The following CEP128 variants were observed in gnomAD, a reference collection of about 807,000 sequenced individuals.
CEP128 encodes centrosomal protein 128, also known as centrosomal protein 128kDa.
In CEP128, 132 loss-of-function variants were observed where a neutral mutation model predicts 156.7. The ratio of observed to expected loss-of-function variants is 0.84; its 90% CI spans 0.73 to 0.97. The LOEUF is 0.97. CEP128 is among the 50% of genes least tolerant of loss of function. The pLI, the probability that CEP128 is intolerant of heterozygous loss-of-function variation, is 0.00. For synonymous variants in CEP128, 469 were observed against 448.9 expected (o/e 1.04, Z -0.57); for missense variants, 1,252 against 1,281.9 (o/e 0.98, Z 0.36).
intron 19 of CEP128, among the ~76,000 whole-genome samples, chr14:80,656,329 A>C (rs61076261): frequency 3.9e-5 from 1 of 25,804 alleles, no homozygotes; most frequent in South Asian, 1.2e-3. Context: ...ATATATATAT[A>C]TATATATATA....
intron 19 of CEP128, among the ~76,000 whole-genome samples, chr14:80,689,853 T>C (rs1317216751): frequency 6.6e-6 from 1 of 152,120 alleles, no homozygotes; most frequent in Non-Finnish European, 1.5e-5. Flanking sequence ...TATATAATTA[T>C]ACAGTTAATA....
intron 13 of CEP128, among the ~76,000 whole-genome samples, chr14:80,823,090 A>G (rs1304738624): frequency 6.6e-6 from 1 of 152,180 alleles, no homozygotes; most frequent in Non-Finnish European, 1.5e-5. Context: ...ACCTTGGCAC[A>G]AAAGCCTTGT....
chr14:80,730,008 A>C (rs773810360), intron 19 of CEP128, among the ~76,000 whole-genome samples: 1 of 152,218 alleles, frequency 6.6e-6, no homozygotes, highest in Non-Finnish European at 1.5e-5. Flanking sequence ...CTGATGTGGA[A>C]TAAGAGATGG....
At chr14:80,550,490 T>C (rs1016291738) in intron 21 of CEP128, among the ~76,000 whole-genome samples, 1 of 152,130 alleles carries the variant, frequency 6.6e-6, no homozygotes. Flanking sequence ...AAACTTTAAA[T>C]AACTCAGTAA....
At chr14:80,520,442 A>AAAC (rs1347800851) in intron 23 of CEP128, among the ~76,000 whole-genome samples, 2 of 13,742 alleles carry the variant, frequency 1.5e-4, no homozygotes, top group Non-Finnish European at 1.8e-3. Flanking sequence ...ACAAACAAAC[A>AAAC]AAAAACAACA....
At chr14:80,477,625 C>G (rs190647468) in exon 15 of CEP128, 1 of 152,294 alleles carries the variant, frequency 6.6e-6, no homozygotes. Context: ...GGCCCACACA[C>G]CATGGAAAGC....
chr14:80,771,357 T>C (rs753231974), intron 16 of CEP128, among the ~76,000 whole-genome samples: 10 of 152,230 alleles, frequency 6.6e-5, no homozygotes, highest in Non-Finnish European at 1.3e-4. Context: ...TTCTATGCAG[T>C]GTTGAGCAAG....
chr14:80,623,386 C>G (rs1192078884), intron 19 of CEP128, among the ~76,000 whole-genome samples: 1 of 151,376 alleles, frequency 6.6e-6, no homozygotes, highest in East Asian at 1.9e-4. Flanking sequence ...GTGCAGCACA[C>G]CAGCATGGCA....
chr14:80,646,930 G>GT (rs1266657876), intron 19 of CEP128, among the ~76,000 whole-genome samples: 1 of 147,182 alleles, frequency 6.8e-6, no homozygotes, highest in African/African-American at 2.5e-5. Context: ...TAAAAAATGT[G>GT]TTTTTCAAAG....
In CEP128 at chr14:80,526,823, A is replaced by G. The variant is rs1010045749; in HGVS notation, c.3072+46T>C. The stretch of plus-strand genomic sequence containing the variant: ...GCTGCTTAAGAGGTTGTAGCCTTAA[A>G]CATGGATACTACTTAAAGACTAAAA... On this transcript the variant is annotated intron_variant, in intron 23 of 24. Transcript: ENST00000555265. The G allele has an allele frequency of 8.5e-6, 9 of 1,058,242 alleles. No homozygotes were observed. In the African/African-American group the frequency reaches 1.4e-4, roughly 17 times the overall value. 65.6% of individuals were successfully genotyped at this position (1,058,242 alleles called of 1,614,324 possible). A position where few individuals can be genotyped will look rare whatever the true frequency, so the allele number is the denominator to read the frequency against.
At chr14:80,684,748 T>C (rs1896461921) in intron 19 of CEP128, among the ~76,000 whole-genome samples, 1 of 146,696 alleles carries the variant, frequency 6.8e-6, no homozygotes, top group Non-Finnish European at 1.5e-5. Context: ...AAAAGTTAAC[T>C]CACCAAGAAA....
chr14:80,663,153 C>T (rs1369413404), intron 19 of CEP128, among the ~76,000 whole-genome samples: 1 of 152,160 alleles, frequency 6.6e-6, no homozygotes, highest in Non-Finnish European at 1.5e-5. Flanking sequence ...GCTGAGAGAG[C>T]AGGCTCTCTA....
intron 19 of CEP128, among the ~76,000 whole-genome samples, chr14:80,634,685 CTG>C (rs750367975): frequency 3.3e-5 from 5 of 152,250 alleles, no homozygotes; most frequent in African/African-American, 4.8e-5. Flanking sequence ...AATTTTATCT[CTG>C]TGTTTTGCCC....
chr14:80,839,700 T>C (rs1469506146), intron 10 of CEP128, among the ~76,000 whole-genome samples: 1 of 152,188 alleles, frequency 6.6e-6, no homozygotes, highest in East Asian at 1.9e-4. Context: ...CCTATAAATC[T>C]ATAATTATTT....
chr14:80,939,953 T>C (rs773765129), intron 1 of CEP128, among the ~76,000 whole-genome samples: 5 of 152,244 alleles, frequency 3.3e-5, no homozygotes, highest in Admixed American at 6.5e-5. Flanking sequence ...GGAAATATTT[T>C]ATAAGATGCC....
At chr14:80,850,323 T>A (rs1886827529) in intron 9 of CEP128, among the ~76,000 whole-genome samples, 1 of 152,180 alleles carries the variant, frequency 6.6e-6, no homozygotes, top group South Asian at 2.1e-4. Context: ...GTTGAGAGTA[T>A]ACACACTATA....
intron 19 of CEP128, among the ~76,000 whole-genome samples, chr14:80,688,492 A>C (rs997529887): frequency 6.6e-6 from 1 of 152,270 alleles, no homozygotes; most frequent in Non-Finnish European, 1.5e-5. Flanking sequence ...CTTATTAAAT[A>C]GCATCAAGTT....
chr14:80,784,269 T>C (rs1271378376), intron 15 of CEP128, among the ~76,000 whole-genome samples: 9 of 137,800 alleles, frequency 6.5e-5, no homozygotes, highest in African/African-American at 2.0e-4. Context: ...CTATATCATA[T>C]GACACGTGTT....
chr14:80,527,680 T>C (rs1047508793), intron 22 of CEP128, among the ~76,000 whole-genome samples: 1 of 152,210 alleles, frequency 6.6e-6, no homozygotes, highest in Non-Finnish European at 1.5e-5. Context: ...CATCAATATA[T>C]TCTTGTTTTA....
Sources: gnomAD v4.1 joint callset for allele counts (sites outside exome capture counted in the v4.1 genomes callset) on GRCh38, gnomAD v4.1.1 for gene constraint, MANE v1.5 for transcripts, NCBI Gene and HGNC (gene_info 2026-07-23, HGNC 2026-07-21) for gene names.